Variants in PHLDB2 observed in about 807,000 individuals in gnomAD.
The protein encoded by PHLDB2 is pleckstrin homology-like domain family B member 2.
Under a neutral mutation model 123.6 loss-of-function variants are expected in PHLDB2, and 71 were observed. That is an observed-to-expected ratio of 0.57 (90% confidence interval 0.47 to 0.70). The LOEUF is 0.70. Among genes scored for constraint, PHLDB2 ranks in the 30% least tolerant of loss-of-function variants. The pLI, the probability that PHLDB2 is intolerant of heterozygous loss-of-function variation, is 0.00. For synonymous variants in PHLDB2, 547 were observed against 541.6 expected (o/e 1.01, Z -0.14); for missense variants, 1,446 against 1,519.5 (o/e 0.95, Z 0.80).
At position 111,976,247 on chromosome 3, in the gene PHLDB2, G is replaced by T. The variant is rs1210908563; in HGVS notation, c.*1684G>T. Reference sequence around the variant, plus strand: ...TGAGTTTGGATTAAAATGTTGACATGATTTCACATTTGAAAATAAACTCAT... The same window carrying T: ...TGAGTTTGGATTAAAATGTTGACATTATTTCACATTTGAAAATAAACTCAT... On this transcript the variant is annotated 3_prime_UTR_variant, in exon 18 of 18. Transcript: ENST00000431670. 1.3e-5 allele frequency: 2 copies of T among 152,162 alleles called. No individual in the cohort carries two copies. The highest frequency in any genetic ancestry group is 4.8e-5 in the African/African-American group (2 of 41,430). The allele number at this position is 152,162 out of a possible 1,614,324, so 9.4% of individuals were successfully genotyped here.
rs1559917977 is a variant in PHLDB2 at position 111,949,009 on chromosome 3, T to C, written c.2565T>C (p.Ala855=). Residue 855 remains alanine (A), a synonymous_variant, in exon 10 of 18, where the codon GCT becomes GCC. Transcript: ENST00000431670. The part of the protein sequence containing the change: ...TNLSPSTQFP[A]DADAVATEPA... ...TATCCCCTTCCACTCAGTTTCCTGC[T>C]GATGCTGATGCTGTTGCCACTGAGC... 2 of 1,613,950 alleles carry C rather than the reference T, an allele frequency of 1.2e-6. No homozygotes were observed. Among genetic ancestry groups the C allele is most frequent in the Non-Finnish European group, 1.7e-6 (2 of 1,179,916 alleles).
rs530126533 is a variant in PHLDB2 at position 111,953,976 on chromosome 3, C to G, written c.2819C>G (p.Pro940Arg). 5.1e-5 allele frequency: 82 copies of G among 1,613,728 alleles called. No homozygotes were observed. Among genetic ancestry groups the G allele is most frequent in the Non-Finnish European group, 6.9e-5 (81 of 1,179,818 alleles). The part of the protein sequence containing the change: ...GQSNSCGSVL[P>R]PSLAAMAKDS... ...AGTAACAGCTGTGGAAGTGTGCTCCCTCCCTCACTGGCAGCCATGGCCAAA... is the reference window on the plus strand; with the variant it reads ...AGTAACAGCTGTGGAAGTGTGCTCCGTCCCTCACTGGCAGCCATGGCCAAA... Residue 940 changes from proline to arginine, a missense_variant, in exon 12 of 18, where the codon CCT becomes CGT. Transcript: ENST00000431670.
intron 5 of PHLDB2, among the ~76,000 whole-genome samples, chr3:111,921,610 T>TC (rs1303156841): frequency 6.6e-6 from 1 of 150,548 alleles, no homozygotes; most frequent in African/African-American, 2.4e-5. Context: ...CAGACTTTTT[T>TC]TTTTTTTTTT....
At chr3:111,902,052 G>T (rs1380064487) in intron 2 of PHLDB2, among the ~76,000 whole-genome samples, 2 of 152,012 alleles carry the variant, frequency 1.3e-5, no homozygotes, top group African/African-American at 4.8e-5. Flanking sequence ...TTTTTTAAAA[G>T]TAAAACATTT....
intron 2 of PHLDB2, among the ~76,000 whole-genome samples, chr3:111,907,882 C>T (rs959561534): frequency 2.6e-5 from 4 of 151,912 alleles, no homozygotes; most frequent in Admixed American, 6.6e-5. Context: ...TTGCAACCTC[C>T]GCCTCCTGGA....
chr3:111,935,093 ATTTTT>A (rs34291565), intron 6 of PHLDB2, among the ~76,000 whole-genome samples: 1 of 75,166 alleles, frequency 1.3e-5, no homozygotes, highest in Non-Finnish European at 2.5e-5. Context: ...TGGTATCTTG[ATTTTT>A]TTTTTTTTTT....
intron 1 of PHLDB2, among the ~76,000 whole-genome samples, chr3:111,766,443 C>A (rs373353868): frequency 0.016 from 1,798 of 111,214 alleles, no homozygotes; most frequent in South Asian, 0.02. Context: ...GACTCTGTCT[C>A]AAAAAAAAAA....
chr3:111,969,791 A>G lies in PHLDB2; in HGVS notation c.3417A>G (p.Val1139=), dbSNP rs768412064. The change falls in exon 16 of 18, where the codon GTA becomes GTG. Residue 1139 remains valine, a synonymous_variant. Coordinates refer to ENST00000431670, the MANE Select transcript of PHLDB2 (RefSeq NM_001134438.2). The part of the protein sequence containing the change: ...AGHNIDTCYH[V]SITEKTCRGF... ...ACAATATTGACACCTGTTACCATGT[A>G]TCAATCACAGAGAAGACCTGCCGAG... 2.2e-5 allele frequency: 36 copies of G among 1,613,716 alleles called. No homozygotes were observed. Among genetic ancestry groups the G allele is most frequent in the Non-Finnish European group, 2.9e-5 (34 of 1,179,694 alleles).
rs1346100779 is a variant in PHLDB2 at position 111,859,549 on chromosome 3, G to A, written c.-42G>A. On this transcript the variant is annotated 5_prime_UTR_variant, in exon 1 of 18. Transcript: ENST00000431670. ...AGGAGCGCGCCTGCCTTCTCTCGCC[G>A]CCGGGAACGGGCTGCACCAATGGCC... 3 of 985,592 alleles carry A rather than the reference G, an allele frequency of 3.0e-6. No homozygotes were observed. The highest frequency in any genetic ancestry group is 3.6e-6 in the Non-Finnish European group (3 of 830,024). The allele number at this position is 985,592 out of a possible 1,614,324, so 61.1% of individuals were successfully genotyped here. A position where few individuals can be genotyped will look rare whatever the true frequency, so the allele number is the denominator to read the frequency against.
intron 1 of PHLDB2, among the ~76,000 whole-genome samples, chr3:111,747,583 A>G (rs2059700530): frequency 6.6e-6 from 1 of 152,060 alleles, no homozygotes; most frequent in African/African-American, 2.4e-5. Flanking sequence ...AGCTTCCTTG[A>G]CTTAGACTCA....
rs72357648 is a variant in PHLDB2 at position 111,829,927 on chromosome 3, AACACACAC to A, written c.-48-15856_-48-15849del. On this transcript the variant is annotated intron_variant, in intron 1 of 17. Transcript: ENST00000393923. ...TCACCAAACTGACAGAACTATTCAA[AACACACAC>A]ACACACACACACACACACACACACA... 4.9e-3 allele frequency among the ~76,000 whole-genome samples: 667 copies of A among 136,000 alleles called. 10 individuals carry two copies. The highest frequency in any genetic ancestry group is 0.028 in the Admixed American group (379 of 13,340). 89.2% of individuals were successfully genotyped at this position (136,000 alleles called of 152,430 possible). A position where few individuals can be genotyped will look rare whatever the true frequency, so the allele number is the denominator to read the frequency against.
intron 1 of PHLDB2, among the ~76,000 whole-genome samples, chr3:111,797,459 A>G (rs1257998253): frequency 6.6e-6 from 1 of 152,214 alleles, no homozygotes; most frequent in Non-Finnish European, 1.5e-5. Context: ...AGCCATTGCC[A>G]CAGAATTTTT....
chr3:111,861,123 G>A (rs1239838796), intron 1 of PHLDB2, among the ~76,000 whole-genome samples: 2 of 152,188 alleles, frequency 1.3e-5, no homozygotes, highest in East Asian at 3.9e-4. Context: ...TGGTAGGTTA[G>A]CAACAGAACT....
chr3:111,774,484 C>T (rs2060232471), intron 1 of PHLDB2, among the ~76,000 whole-genome samples: 1 of 152,150 alleles, frequency 6.6e-6, no homozygotes, highest in Non-Finnish European at 1.5e-5. Flanking sequence ...GGCGCATCTG[C>T]ATTTAGAAGC....
intron 1 of PHLDB2, among the ~76,000 whole-genome samples, chr3:111,740,355 TGAGAGA>T (rs71131974): frequency 7.3e-5 from 11 of 150,384 alleles, no homozygotes; most frequent in African/African-American, 2.2e-4. Context: ...TCATTAAATA[TGAGAGA>T]GAGAGAGAGA....
chr3:111,836,120 T>C (rs1576821072), intron 1 of PHLDB2, among the ~76,000 whole-genome samples: 1 of 152,122 alleles, frequency 6.6e-6, no homozygotes, highest in South Asian at 2.1e-4. Context: ...AACCAAATTC[T>C]TTTTCAATGA....
At chr3:111,889,912 G>C (rs1209540227) in intron 2 of PHLDB2, among the ~76,000 whole-genome samples, 1 of 152,050 alleles carries the variant, frequency 6.6e-6, no homozygotes, top group Non-Finnish European at 1.5e-5. Context: ...CCTGCCCCCA[G>C]GTAGAAAGAC....
intron 1 of PHLDB2, among the ~76,000 whole-genome samples, chr3:111,759,866 A>G (rs997877221): frequency 6.6e-6 from 1 of 152,222 alleles, no homozygotes; most frequent in African/African-American, 2.4e-5. Flanking sequence ...TAATTGGGTG[A>G]CAATCAAGAG....
At chr3:111,920,185 T>G in intron 4 of PHLDB2, 97 bp from the exon 5 acceptor site, 2 of 1,403,434 alleles carry the variant, frequency 1.4e-6, no homozygotes, top group Admixed American at 2.2e-5. Context: ...AGTATTACTT[T>G]TGGAAATTTG....
Sources: allele counts gnomAD v4.1 joint callset (sites outside exome capture counted in the v4.1 genomes callset), GRCh38; gene constraint gnomAD v4.1.1; transcripts MANE v1.5; gene names NCBI Gene and HGNC (gene_info 2026-07-23, HGNC 2026-07-21).